Variants in MAGI2 observed in about 807,000 individuals in gnomAD.
MAGI2 encodes the protein membrane-associated guanylate kinase, WW and PDZ domain-containing protein 2.
In MAGI2, 35 loss-of-function variants were observed where a neutral mutation model predicts 133.3. That is an observed-to-expected ratio of 0.26 (90% CI 0.20 to 0.35). The LOEUF (loss-of-function observed/expected upper bound fraction) is 0.35, where lower values mean the gene tolerates loss of function less well. MAGI2 is among the 10% of genes least tolerant of loss of function. The probability of loss-of-function intolerance (pLI) is 1.00; values close to 1 mark genes in which losing one functional copy is unlikely to be tolerated. For missense variants in MAGI2, 1,636 were observed against 1,863.4 expected (o/e 0.88, Z 2.25); for synonymous variants, 729 against 710.6 (o/e 1.03, Z -0.41).
chr7:78,583,147 T>A (rs1292487545), intron 3 of MAGI2, among the ~76,000 whole-genome samples: 1 of 152,098 alleles, frequency 6.6e-6, no homozygotes, highest in Non-Finnish European at 1.5e-5. Context: ...CTAACACACT[T>A]TATAACAAAA....
intron 6 of MAGI2, among the ~76,000 whole-genome samples, chr7:78,453,435 A>T (rs1422868815): frequency 6.6e-6 from 1 of 152,202 alleles, no homozygotes; most frequent in Non-Finnish European, 1.5e-5. Flanking sequence ...GAATGGCAAA[A>T]GCTTTGTATC....
chr7:78,688,265 GTGTCATTTAAAATTA>G (rs1816591566), intron 2 of MAGI2, among the ~76,000 whole-genome samples: 1 of 152,110 alleles, frequency 6.6e-6, no homozygotes, highest in Admixed American at 6.6e-5. Flanking sequence ...GAAGGTCAAG[GTGTCATTTAAAATTA>G]TATTGCTGGT....
intron 14 of MAGI2, among the ~76,000 whole-genome samples, chr7:78,175,031 T>C (rs55930719): frequency 0.1 from 15,869 of 152,190 alleles, 1,173 homozygotes; most frequent in Non-Finnish European, 0.16. Flanking sequence ...GCATCTCTTC[T>C]TTTGGATGGT....
intron 3 of MAGI2, among the ~76,000 whole-genome samples, chr7:78,578,699 G>GT (rs1439878457): frequency 1.3e-5 from 2 of 152,146 alleles, no homozygotes; most frequent in African/African-American, 4.8e-5. Context: ...CTGTCACACT[G>GT]TAAGCTTCTA....
chr7:78,163,424 C>T (rs906407792), intron 15 of MAGI2, among the ~76,000 whole-genome samples: 1 of 152,118 alleles, frequency 6.6e-6, no homozygotes, highest in Non-Finnish European at 1.5e-5. Flanking sequence ...CAGGCGTGAG[C>T]CACCGTGCCT....
chr7:78,148,097 T>C (rs1348089116), intron 16 of MAGI2, among the ~76,000 whole-genome samples: 2 of 152,148 alleles, frequency 1.3e-5, no homozygotes, highest in Non-Finnish European at 2.9e-5. Context: ...AAAACGTTTA[T>C]AGAAGCTTTA....
intron 1 of MAGI2, among the ~76,000 whole-genome samples, chr7:79,197,592 C>A (rs1158137748): frequency 1.3e-5 from 2 of 152,024 alleles, no homozygotes; most frequent in Non-Finnish European, 2.9e-5. Flanking sequence ...GTAAACTCTG[C>A]AGCCTGAGTT....
chr7:78,874,184 A>G (rs1374397815), intron 2 of MAGI2, among the ~76,000 whole-genome samples: 1 of 152,188 alleles, frequency 6.6e-6, no homozygotes, highest in Non-Finnish European at 1.5e-5. Flanking sequence ...ACAAAATTTT[A>G]TGGAGAGAAA....
rs983827382 is a variant in MAGI2 at position 78,563,050 on chromosome 7, C to T, written c.539-41405G>A. On this transcript the variant is annotated intron_variant, in intron 3 of 21. Transcript: ENST00000354212. ...GATTGTAATTTCTTGCCAGAAAGTT[C>T]GCCTGCTGACAACATGGTAGTAATG... is the stretch of plus-strand genomic sequence containing the variant. Among the ~76,000 whole-genome samples, 5 of 149,176 alleles carry T rather than the reference C, an allele frequency of 3.4e-5. No individual in the cohort carries two copies. The East Asian group carries it at 5.9e-4, about 18-fold the overall frequency.
chr7:78,059,390 C>G (rs2151130940), intron 21 of MAGI2, among the ~76,000 whole-genome samples: 1 of 152,352 alleles, frequency 6.6e-6, no homozygotes, highest in Middle Eastern at 3.4e-3. Context: ...TCTGTGCCTT[C>G]TCATTGTCAT....
chr7:78,543,265 A>G (rs530635523), intron 3 of MAGI2, among the ~76,000 whole-genome samples: 1 of 152,322 alleles, frequency 6.6e-6, no homozygotes, highest in East Asian at 1.9e-4. Context: ...AAGAATGAAT[A>G]AGCTTTGATA....
intron 1 of MAGI2, among the ~76,000 whole-genome samples, chr7:79,259,068 T>G (rs1356461984): frequency 1.3e-5 from 2 of 152,248 alleles, no homozygotes; most frequent in Non-Finnish European, 2.9e-5. Context: ...CTGCATGCTT[T>G]ACGTCTTTGG....
At chr7:78,664,505 A>C (rs1486791759) in intron 2 of MAGI2, among the ~76,000 whole-genome samples, 2 of 152,072 alleles carry the variant, frequency 1.3e-5, no homozygotes, top group Non-Finnish European at 2.9e-5. Flanking sequence ...AAGAACTTTC[A>C]TAGATAATTT....
chr7:79,351,500 GA>G (rs1325476432), intron 1 of MAGI2, among the ~76,000 whole-genome samples: 20 of 152,056 alleles, frequency 1.3e-4, no homozygotes, highest in Admixed American at 3.3e-4. Flanking sequence ...GCATGCAGGA[GA>G]AAAGTATAAA....
intron 14 of MAGI2, among the ~76,000 whole-genome samples, chr7:78,176,950 C>CACACAT (rs988630917): frequency 4.1e-5 from 6 of 147,244 alleles, no homozygotes; most frequent in African/African-American, 1.3e-4. Flanking sequence ...CACACACACA[C>CACACAT]ATATATAGTA....
chr7:78,138,644 C>G (rs998514588), intron 16 of MAGI2, among the ~76,000 whole-genome samples: 3 of 149,352 alleles, frequency 2.0e-5, no homozygotes, highest in Non-Finnish European at 3.0e-5. Flanking sequence ...CACACACACA[C>G]ACACACACAC....
At chr7:78,102,294 T>C (rs972072956) in intron 20 of MAGI2, among the ~76,000 whole-genome samples, 1 of 152,190 alleles carries the variant, frequency 6.6e-6, no homozygotes, top group African/African-American at 2.4e-5. Flanking sequence ...ATGGTAACTA[T>C]GGTTAATACT....
At chr7:79,133,086 C>T (rs1419242384) in intron 1 of MAGI2, among the ~76,000 whole-genome samples, 2 of 152,050 alleles carry the variant, frequency 1.3e-5, no homozygotes, top group Non-Finnish European at 2.9e-5. Context: ...TATTTTCTTC[C>T]TTTCTGTGGG....
intron 2 of MAGI2, among the ~76,000 whole-genome samples, chr7:78,695,844 G>A (rs756959973): frequency 2.6e-5 from 4 of 152,150 alleles, no homozygotes; most frequent in Non-Finnish European, 5.9e-5. Context: ...GCCCCATCAG[G>A]AGGCTTCCAG....
Sources: gnomAD v4.1 joint callset for allele counts (sites outside exome capture counted in the v4.1 genomes callset) on GRCh38, gnomAD v4.1.1 for gene constraint, MANE v1.5 for transcripts, NCBI Gene and HGNC (gene_info 2026-07-23, HGNC 2026-07-21) for gene names.